The following HCRTR2 variants were observed in gnomAD, a reference collection of about 807,000 sequenced individuals.
HCRTR2 encodes hypocretin receptor 2, also known as orexin receptor type 2.
HCRTR2 carries 22 observed loss-of-function variants against 49.0 expected under a neutral mutation model. That is an observed-to-expected ratio of 0.45 (90% CI 0.32 to 0.64). The LOEUF (loss-of-function observed/expected upper bound fraction) is 0.64, where lower values mean the gene tolerates loss of function less well. HCRTR2 is among the 30% of genes least tolerant of loss of function. The probability of loss-of-function intolerance (pLI) is 0.04; values close to 1 mark genes in which losing one functional copy is unlikely to be tolerated. For missense variants in HCRTR2, 491 were observed against 559.4 expected (o/e 0.88, Z 1.23); for synonymous variants, 236 against 205.3 (o/e 1.15, Z -1.28).
At chr6:55,112,088 C>T (rs549730672) in intron 1 of HCRTR2, among the ~76,000 whole-genome samples, 3 of 151,950 alleles carry the variant, frequency 2.0e-5, no homozygotes, top group Non-Finnish European at 4.4e-5. Context: ...TGACAAAATT[C>T]AGCATCCCTT....
chr6:55,120,711 G>T (rs549180819), intron 1 of HCRTR2, among the ~76,000 whole-genome samples: 1 of 152,056 alleles, frequency 6.6e-6, no homozygotes, highest in African/African-American at 2.4e-5. Flanking sequence ...GAGACAATTT[G>T]ACTTCCTCTC....
At chr6:55,237,698 A>T (rs986571955) in intron 1 of HCRTR2, among the ~76,000 whole-genome samples, 1 of 152,156 alleles carries the variant, frequency 6.6e-6, no homozygotes, top group Admixed American at 6.5e-5. Context: ...GTAGCTTTCC[A>T]ATGTCTTAAA....
At chr6:55,179,286 T>C (rs1765092225) in intron 1 of HCRTR2, among the ~76,000 whole-genome samples, 1 of 152,154 alleles carries the variant, frequency 6.6e-6, no homozygotes, top group Non-Finnish European at 1.5e-5. Context: ...TTTTTAGATA[T>C]AGAAATAATA....
At chr6:55,187,825 G>A (rs12193380) in intron 1 of HCRTR2, among the ~76,000 whole-genome samples, 50,614 of 151,620 alleles carry the variant, frequency 0.33, 8,882 homozygotes, top group South Asian at 0.4. Context: ...CTCCCAGACT[G>A]GAGTGCAGTG....
intron 1 of HCRTR2, among the ~76,000 whole-genome samples, chr6:55,248,270 T>C (rs1183146088): frequency 1.3e-5 from 2 of 152,114 alleles, no homozygotes; most frequent in Non-Finnish European, 2.9e-5. Flanking sequence ...TCAATAAAAA[T>C]TGTTAGTTCT....
At chr6:55,207,220 T>C (rs777539153) in intron 1 of HCRTR2, among the ~76,000 whole-genome samples, 4 of 152,130 alleles carry the variant, frequency 2.6e-5, no homozygotes, top group Non-Finnish European at 5.9e-5. Context: ...AATTGTTACA[T>C]TTCACTAATA....
At chr6:55,268,947 G>A (rs984685250) in intron 4 of HCRTR2, among the ~76,000 whole-genome samples, 2 of 151,766 alleles carry the variant, frequency 1.3e-5, no homozygotes, top group African/African-American at 4.8e-5. Context: ...AAAATTAGCC[G>A]GGTGAGGTGG....
chr6:55,262,753 T>C (rs1021126696), intron 3 of HCRTR2, among the ~76,000 whole-genome samples: 8 of 91,992 alleles, frequency 8.7e-5, no homozygotes, highest in African/African-American at 1.5e-4. Context: ...TATATATATG[T>C]ATTAGGTAGG....
chr6:55,108,921 G>A (rs1178531634), intron 1 of HCRTR2, among the ~76,000 whole-genome samples: 2 of 152,070 alleles, frequency 1.3e-5, no homozygotes, highest in African/African-American at 4.8e-5. Flanking sequence ...GTAGCCTGGG[G>A]CAAGTTCCCA....
chr6:55,273,015 T>G (rs2127328072), intron 4 of HCRTR2, among the ~76,000 whole-genome samples: 2 of 152,172 alleles, frequency 1.3e-5, no homozygotes, highest in South Asian at 4.1e-4. Context: ...GTGGAGCTAT[T>G]CATAGTGAGA....
intron 1 of HCRTR2, among the ~76,000 whole-genome samples, chr6:55,132,564 A>G (rs528667472): frequency 2.0e-4 from 31 of 151,990 alleles, no homozygotes; most frequent in Non-Finnish European, 5.9e-5. Flanking sequence ...ATTAAAGTTA[A>G]ATGTTTTTTG....
intron 1 of HCRTR2, among the ~76,000 whole-genome samples, chr6:55,156,198 A>G (rs910595891): frequency 3.3e-5 from 5 of 151,872 alleles, no homozygotes; most frequent in Non-Finnish European, 7.4e-5. Flanking sequence ...CATTTTAAAG[A>G]TGCTGCAATG....
intron 1 of HCRTR2, among the ~76,000 whole-genome samples, chr6:55,231,872 A>C (rs1766121171): frequency 6.6e-6 from 1 of 152,148 alleles, no homozygotes; most frequent in East Asian, 1.9e-4. Context: ...TACATTGTAT[A>C]ATAGATGTCC....
At chr6:55,128,295 A>G (rs1251587145) in intron 1 of HCRTR2, among the ~76,000 whole-genome samples, 2 of 152,054 alleles carry the variant, frequency 1.3e-5, no homozygotes, top group African/African-American at 2.4e-5. Context: ...CTGTTTATGT[A>G]CCAGTACCAT....
At chr6:55,184,512 T>C (rs1024535755) in intron 1 of HCRTR2, among the ~76,000 whole-genome samples, 2 of 152,212 alleles carry the variant, frequency 1.3e-5, no homozygotes, top group African/African-American at 4.8e-5. Flanking sequence ...TCCCCACTTC[T>C]TTCTAAATTT....
At chr6:55,143,492 A>G (rs367773521) in intron 1 of HCRTR2, among the ~76,000 whole-genome samples, 1 of 152,206 alleles carries the variant, frequency 6.6e-6, no homozygotes, top group African/African-American at 2.4e-5. Context: ...AAGACCAGAA[A>G]GTTATTGCTT....
intron 1 of HCRTR2, among the ~76,000 whole-genome samples, chr6:55,130,741 G>A (rs1764344392): frequency 6.6e-6 from 1 of 151,544 alleles, no homozygotes; most frequent in African/African-American, 2.4e-5. Flanking sequence ...CCTACCCCAG[G>A]GATTTTCTAT....
intron 1 of HCRTR2, among the ~76,000 whole-genome samples, chr6:55,154,094 G>A (rs1008942734): frequency 6.6e-6 from 1 of 151,736 alleles, no homozygotes; most frequent in African/African-American, 2.4e-5. Flanking sequence ...TAGAAAGCCT[G>A]AACATACCAG....
At chr6:55,226,894 C>CTT (rs1053436490) in intron 1 of HCRTR2, among the ~76,000 whole-genome samples, 3 of 151,530 alleles carry the variant, frequency 2.0e-5, no homozygotes, top group Non-Finnish European at 4.4e-5. Context: ...AATTGTGATT[C>CTT]TTTACATTAT....
Sources: gnomAD v4.1 joint callset for allele counts (sites outside exome capture counted in the v4.1 genomes callset) on GRCh38, gnomAD v4.1.1 for gene constraint, MANE v1.5 for transcripts, NCBI Gene and HGNC (gene_info 2026-07-23, HGNC 2026-07-21) for gene names.